Variants in SNRPN observed in about 807,000 individuals in gnomAD.
SNRPN encodes small nuclear ribonucleoprotein-associated protein N.
A neutral mutation model predicts 25.2 loss-of-function variants in SNRPN; 7 were observed. The ratio of observed to expected loss-of-function variants is 0.28; its 90% CI spans 0.16 to 0.52. SNRPN has a LOEUF of 0.52. Among genes scored for constraint, SNRPN ranks in the 20% least tolerant of loss-of-function variants. The pLI is 0.96. For missense variants in SNRPN, 196 were observed against 322.5 expected (o/e 0.61, Z 3.00); for synonymous variants, 124 against 110.6 (o/e 1.12, Z -0.76).
chr15:24,977,923 G>A lies in SNRPN; in HGVS notation c.559+7G>A, dbSNP rs1389088151. The A allele has an allele frequency of 1.9e-6, 3 of 1,554,096 alleles. No individual in the cohort carries two copies. Among genetic ancestry groups the A allele is most frequent in the Non-Finnish European group, 2.6e-6 (3 of 1,150,610 alleles). Reference sequence around the variant, plus strand: ...AGAGCAACCCCACCTCCAGGTAAGGGATTGGTGAACACGAAGACGAACTTG... The same window carrying A: ...AGAGCAACCCCACCTCCAGGTAAGGAATTGGTGAACACGAAGACGAACTTG... On this transcript the variant is annotated splice_region_variant and intron_variant, in intron 8 of 9. Transcript: ENST00000390687.
intron 5 of SNRPN, 114 bp downstream of exon 5, chr15:24,975,623 G>C: frequency 1.2e-6 from 1 of 822,146 alleles, no homozygotes; most frequent in Non-Finnish European, 2.0e-6. Context: ...AACTATGGTA[G>C]AGCCAGTCTA....
chr15:24,970,245 A>G (rs1451788199), intron 3 of SNRPN, among the ~76,000 whole-genome samples: 1 of 152,172 alleles, frequency 6.6e-6, no homozygotes, highest in Non-Finnish European at 1.5e-5. Flanking sequence ...GTTTTCATTA[A>G]AAATGTAAGG....
At chr15:24,829,445 T>C (rs1343801541) in intron 1 of SNRPN, among the ~76,000 whole-genome samples, 1 of 151,526 alleles carries the variant, frequency 6.6e-6, no homozygotes, top group Non-Finnish European at 1.5e-5. Context: ...GAGAAGAGGG[T>C]GGTGGGTTGG....
chr15:24,948,268 C>T (rs1237179273), intron 3 of SNRPN, among the ~76,000 whole-genome samples: 2 of 152,026 alleles, frequency 1.3e-5, no homozygotes, highest in African/African-American at 4.8e-5. Flanking sequence ...TGCATGCCAC[C>T]ATGCCCAGTT....
chr15:24,933,752 G>T (rs1041783628), intron 3 of SNRPN, among the ~76,000 whole-genome samples: 1 of 152,224 alleles, frequency 6.6e-6, no homozygotes, highest in Non-Finnish European at 1.5e-5. Flanking sequence ...GGTCTACCAG[G>T]TGGGCAGGCC....
chr15:24,951,111 T>A (rs527269043), upstream of SNRPN, among the ~76,000 whole-genome samples: 11 of 152,242 alleles, frequency 7.2e-5, no homozygotes, highest in South Asian at 2.3e-3. Context: ...TCCACCTGTC[T>A]CGGCCTCCCA....
chr15:24,899,115 T>A (rs1330969951), intron 2 of SNRPN, among the ~76,000 whole-genome samples: 1 of 152,176 alleles, frequency 6.6e-6, no homozygotes, highest in African/African-American at 2.4e-5. Flanking sequence ...CCCAGACACG[T>A]TCCAAGACTC....
intron 2 of SNRPN, among the ~76,000 whole-genome samples, chr15:24,892,168 T>A (rs1477384244): frequency 6.6e-6 from 1 of 152,204 alleles, no homozygotes; most frequent in Non-Finnish European, 1.5e-5. Context: ...TCTGAGTGGA[T>A]AAAATATCCA....
intron 1 of SNRPN, among the ~76,000 whole-genome samples, chr15:24,864,083 A>G (rs1476106562): frequency 3.4e-5 from 5 of 145,324 alleles, no homozygotes; most frequent in African/African-American, 5.3e-5. Context: ...CTGGAGTGCC[A>G]TGGCGTGAAC....
intron 1 of SNRPN, among the ~76,000 whole-genome samples, chr15:24,870,311 T>C (rs1260573282): frequency 6.6e-6 from 1 of 151,772 alleles, no homozygotes; most frequent in East Asian, 1.9e-4. Flanking sequence ...ATTTGAGGAG[T>C]AGTCAGCTGA....
chr15:24,955,928 G>A (rs926357935), intron 1 of SNRPN, among the ~76,000 whole-genome samples: 3 of 149,688 alleles, frequency 2.0e-5, no homozygotes, highest in Non-Finnish European at 4.5e-5. Flanking sequence ...GCTGTGTAGA[G>A]GAGGGGGCAT....
chr15:24,953,775 A>AT, upstream of SNRPN, among the ~76,000 whole-genome samples: 1 of 152,254 alleles, frequency 6.6e-6, no homozygotes, highest in Admixed American at 6.5e-5. Flanking sequence ...CTAATACATC[A>AT]TTTTTTCCAT....
intron 2 of SNRPN, among the ~76,000 whole-genome samples, chr15:24,894,278 G>A (rs1017214821): frequency 5.9e-5 from 9 of 152,084 alleles, no homozygotes; most frequent in African/African-American, 1.9e-4. Context: ...GAGCGCAGTG[G>A]TGTGATCTCG....
At chr15:24,857,778 A>G (rs1232027639) in intron 1 of SNRPN, among the ~76,000 whole-genome samples, 1 of 152,204 alleles carries the variant, frequency 6.6e-6, no homozygotes, top group Admixed American at 6.5e-5. Context: ...ATAATAGAGA[A>G]GCAAGAATTC....
chr15:24,883,575 T>C (rs75224758), intron 1 of SNRPN, among the ~76,000 whole-genome samples: 19 of 152,346 alleles, frequency 1.2e-4, no homozygotes, highest in East Asian at 3.9e-4. Flanking sequence ...ACAGGCATCA[T>C]TGGCAATATC....
At position 24,968,037 on chromosome 15, in the gene SNRPN, A is replaced by G; in HGVS notation, c.-189A>G. ...TAGCTGAGACACCAAGAGGTGGTTA[A>G]AGCCATATTGGAGTAGCGAGGAATC... On this transcript the variant is annotated 5_prime_UTR_variant, in exon 3 of 10. An upstream open reading frame in the 5' UTR loses its in-frame stop. Transcript: ENST00000390687. 6.2e-7 allele frequency: 1 copy of G among 1,613,920 alleles called. No homozygotes were observed. Among genetic ancestry groups the G allele is most frequent in the Non-Finnish European group, 8.5e-7 (1 of 1,179,858 alleles).
In SNRPN at chr15:24,967,969, G is replaced by T. The variant is rs1226505818; in HGVS notation, c.-257G>T. 1 of 1,614,162 alleles carries T rather than the reference G, an allele frequency of 6.2e-7. No homozygotes were observed. The highest frequency in any genetic ancestry group is 1.7e-5 in the Admixed American group (1 of 60,022). On this transcript the variant is annotated 5_prime_UTR_variant, in exon 3 of 10. Coordinates refer to ENST00000390687, the MANE Select transcript of SNRPN (RefSeq NM_003097.6). Reference sequence around the variant, plus strand: ...CCCGAGGCGTTCTCAGCAGCAGCAAGTACCTGTGGTGGATTTCCAGGCTGA... The same window carrying T: ...CCCGAGGCGTTCTCAGCAGCAGCAATTACCTGTGGTGGATTTCCAGGCTGA...
intron 2 of SNRPN, among the ~76,000 whole-genome samples, chr15:24,895,419 A>G (rs2058026143): frequency 6.6e-6 from 1 of 151,686 alleles, no homozygotes; most frequent in South Asian, 2.1e-4. Context: ...ACACACACAC[A>G]CACACACACA....
chr15:24,877,722 C>A (rs561448512), intron 1 of SNRPN, among the ~76,000 whole-genome samples: 5 of 151,740 alleles, frequency 3.3e-5, no homozygotes, highest in African/African-American at 1.2e-4. Flanking sequence ...CGCAGTGGCG[C>A]GCGCCTGTAA....
Sources: allele counts gnomAD v4.1 joint callset (sites outside exome capture counted in the v4.1 genomes callset), GRCh38; gene constraint gnomAD v4.1.1; transcripts MANE v1.5; gene names NCBI Gene and HGNC (gene_info 2026-07-23, HGNC 2026-07-21).